Variants in PRKN observed in about 807,000 individuals in gnomAD.
The protein encoded by PRKN is E3 ubiquitin-protein ligase parkin.
In PRKN, 56 loss-of-function variants were observed where a neutral mutation model predicts 59.5. That is an observed-to-expected ratio of 0.94 (90% confidence interval 0.76 to 1.18). The LOEUF (loss-of-function observed/expected upper bound fraction) is 1.18. Among genes scored for constraint, PRKN ranks in the 50% most tolerant of loss-of-function variants. The pLI is 0.00. For synonymous variants in PRKN, 250 were observed against 222.1 expected, an observed-to-expected ratio of 1.13 and a Z score of -1.12; for missense variants, 657 against 596.4, an observed-to-expected ratio of 1.10 and a Z score of -1.06.
At chr6:162,404,575 T>C (rs1349147658) in intron 2 of PRKN, among the ~76,000 whole-genome samples, 51 of 152,076 alleles carry the variant, frequency 3.4e-4, no homozygotes, top group Non-Finnish European at 2.9e-5. Flanking sequence ...TTTTGGTTTG[T>C]TTGTTTCACT....
In PRKN at chr6:161,447,569, C is replaced by T. The variant is rs1207473067; in HGVS notation, c.1084-60692G>A. On this transcript the variant is annotated intron_variant, in intron 9 of 11. Transcript: ENST00000366898. The surrounding 1 kb of genome is among the most constrained non-coding windows in gnomAD (Gnocchi z 4.1). ...AGTGCAGTGGAGTGATCTCAGCTCA[C>T]TGCAACCTCCGCCTCCCGGGTTCAA... Among the ~76,000 whole-genome samples, 2 of 152,158 alleles carry T rather than the reference C, an allele frequency of 1.3e-5. No individual in the cohort carries two copies. The highest frequency in any genetic ancestry group is 3.9e-4 in the East Asian group (2 of 5,166).
At chr6:161,519,477 G>C (rs749712455) in intron 9 of PRKN, among the ~76,000 whole-genome samples, 3 of 152,170 alleles carry the variant, frequency 2.0e-5, no homozygotes, top group Non-Finnish European at 2.9e-5. Flanking sequence ...AAAGCGTGGA[G>C]AGCTCAGAGG....
At chr6:162,303,711 G>T (rs780555306) in intron 2 of PRKN, among the ~76,000 whole-genome samples, 47 of 152,254 alleles carry the variant, frequency 3.1e-4, no homozygotes, top group Non-Finnish European at 6.0e-4. Context: ...ACCACAGGAA[G>T]GAGACATTGT....
At chr6:161,913,305 C>T (rs1024320245) in intron 6 of PRKN, among the ~76,000 whole-genome samples, 6 of 151,630 alleles carry the variant, frequency 4.0e-5, no homozygotes, top group Admixed American at 6.6e-5. Flanking sequence ...AAGAGACTAA[C>T]GTCTTAAATA....
In PRKN at chr6:161,488,575, TC is replaced by T; in HGVS notation, c.1083+60278del. ...TGCCATCATAGCTCACTGCATGAAT[TC>T]CTGGGCTCAAGTGATCTTCCTGCCT... On this transcript the variant is annotated intron_variant, in intron 9 of 11. Transcript: ENST00000366898. This position sits in a 1 kb window ranked among gnomAD's most constrained non-coding sequence, Gnocchi z 4.5. Among the ~76,000 whole-genome samples the T allele has an allele frequency of 6.6e-6, 1 of 152,082 alleles. No individual in the cohort carries two copies. Among genetic ancestry groups the T allele is most frequent in the Non-Finnish European group, 1.5e-5 (1 of 68,008 alleles).
chr6:161,934,448 A>C (rs915707118), intron 6 of PRKN, among the ~76,000 whole-genome samples: 12 of 152,156 alleles, frequency 7.9e-5, no homozygotes, highest in African/African-American at 2.2e-4. Flanking sequence ...CTTAACTTCA[A>C]TGGGTTTGCT....
intron 2 of PRKN, among the ~76,000 whole-genome samples, chr6:162,416,061 C>A (rs1402864990): frequency 6.6e-6 from 1 of 152,112 alleles, no homozygotes; most frequent in Non-Finnish European, 1.5e-5. Flanking sequence ...GGCTCCACTA[C>A]TTTCCAATAT....
intron 4 of PRKN, among the ~76,000 whole-genome samples, chr6:162,126,769 C>T (rs773973035): frequency 1.2e-4 from 18 of 152,176 alleles, no homozygotes; most frequent in Non-Finnish European, 2.2e-4. Flanking sequence ...AGTGTCTGTT[C>T]AACCAACAGT....
intron 7 of PRKN, among the ~76,000 whole-genome samples, chr6:161,707,945 T>A (rs1786576764): frequency 6.6e-6 from 1 of 152,128 alleles, no homozygotes; most frequent in African/African-American, 2.4e-5. Context: ...TCTCTGAAAG[T>A]CTAAAAATGA....
At chr6:162,486,067 T>C (rs1388621826) in intron 1 of PRKN, among the ~76,000 whole-genome samples, 1 of 152,208 alleles carries the variant, frequency 6.6e-6, no homozygotes, top group Non-Finnish European at 1.5e-5. Flanking sequence ...GAATTGCTCT[T>C]TTATTTTTGA....
intron 2 of PRKN, among the ~76,000 whole-genome samples, chr6:162,364,734 T>C (rs1372843995): frequency 6.6e-6 from 1 of 152,050 alleles, no homozygotes; most frequent in African/African-American, 2.4e-5. Flanking sequence ...ACTGACATGG[T>C]TGTGGGGTGT....
At chr6:162,064,329 G>A (rs1318502662) in intron 4 of PRKN, among the ~76,000 whole-genome samples, 1 of 152,180 alleles carries the variant, frequency 6.6e-6, no homozygotes, top group Non-Finnish European at 1.5e-5. Flanking sequence ...TGGGGTAGTA[G>A]TTACATGAGT....
intron 1 of PRKN, among the ~76,000 whole-genome samples, chr6:162,619,625 T>C (rs569184562): frequency 7.9e-5 from 12 of 152,166 alleles, no homozygotes; most frequent in Admixed American, 2.0e-4. Flanking sequence ...TTTTGTGTTC[T>C]TAGAATATTT....
chr6:162,442,580 T>A (rs1790110957), intron 2 of PRKN, among the ~76,000 whole-genome samples: 1 of 152,058 alleles, frequency 6.6e-6, no homozygotes, highest in South Asian at 2.1e-4. Flanking sequence ...CCGAATGACA[T>A]GTGTGTAGGG....
At chr6:162,303,632 G>C (rs1003494906) in intron 2 of PRKN, among the ~76,000 whole-genome samples, 2 of 152,068 alleles carry the variant, frequency 1.3e-5, no homozygotes, top group East Asian at 3.9e-4. Flanking sequence ...ATTAGACAAA[G>C]ATCTCTATGC....
intron 1 of PRKN, among the ~76,000 whole-genome samples, chr6:162,498,206 G>C (rs1185637761): frequency 6.6e-6 from 1 of 151,824 alleles, no homozygotes; most frequent in Non-Finnish European, 1.5e-5. Flanking sequence ...GACTCTACCT[G>C]GTGTTCAGTC....
At chr6:162,189,777 C>A (rs1310760989) in intron 4 of PRKN, among the ~76,000 whole-genome samples, 1 of 151,738 alleles carries the variant, frequency 6.6e-6, no homozygotes, top group South Asian at 2.1e-4. Flanking sequence ...TTATACTGAC[C>A]TTTACCTAAA....
chr6:161,650,667 C>A (rs950996124), intron 7 of PRKN, among the ~76,000 whole-genome samples: 1 of 152,164 alleles, frequency 6.6e-6, no homozygotes, highest in South Asian at 2.1e-4. Flanking sequence ...TTTTGTAATA[C>A]GGCCAATGAG....
chr6:162,699,496 G>A (rs1257332759), intron 1 of PRKN, among the ~76,000 whole-genome samples: 1 of 152,120 alleles, frequency 6.6e-6, no homozygotes, highest in African/African-American at 2.4e-5. Flanking sequence ...GAAATCAAAA[G>A]AGCTTAAGCT....
Sources: gnomAD v4.1 joint callset for allele counts (sites outside exome capture counted in the v4.1 genomes callset) on GRCh38, gnomAD v4.1.1 for gene constraint, Gnocchi (gnomAD v3.1) non-coding constraint, MANE v1.5 for transcripts, NCBI Gene and HGNC (gene_info 2026-07-23, HGNC 2026-07-21) for gene names.